The following HDLBP variants were observed in gnomAD, a reference collection of about 807,000 sequenced individuals.
The protein encoded by HDLBP is high density lipoprotein binding protein, also known as vigilin.
A neutral mutation model predicts 137.3 loss-of-function variants in HDLBP; 30 were observed. The observed-to-expected ratio is 0.22, with a 90% CI of 0.16 to 0.30. The LOEUF is 0.30. HDLBP is among the 10% of genes least tolerant of loss of function. HDLBP has a pLI of 1.00. For synonymous variants in HDLBP, 606 were observed against 596.0 expected (o/e 1.02, Z -0.24); for missense variants, 1,119 against 1,667.3 (o/e 0.67, Z 5.73).
At chr2:241,293,890 C>T (rs770810897) in intron 1 of HDLBP, among the ~76,000 whole-genome samples, 1 of 150,702 alleles carries the variant, frequency 6.6e-6, no homozygotes, top group Non-Finnish European at 1.5e-5. Flanking sequence ...CCACTGCAAT[C>T]CAGCCTGGGT....
chr2:241,255,071 T>C lies in HDLBP; in HGVS notation c.1168A>G (p.Ile390Val), dbSNP rs758477634. ...IGKKGQNLAK[I>V]TQQMPKVHIE... is the part of the protein sequence containing the mutation. ...CTTACCTTTGGCATCTGCTGAGTGATTTTGGCCAGGTTCTGCCCTTTCTTG... is the reference window on the plus strand; with the variant it reads ...CTTACCTTTGGCATCTGCTGAGTGACTTTGGCCAGGTTCTGCCCTTTCTTG... The change falls in exon 9 of 28, where the codon ATC (isoleucine) becomes GTC (valine). Residue 390 changes from isoleucine to valine, a missense_variant. Transcript: ENST00000310931. 9.9e-6 allele frequency: 16 copies of C among 1,613,504 alleles called. No homozygotes were observed. Among genetic ancestry groups the C allele is most frequent in the Non-Finnish European group, 1.4e-5 (16 of 1,179,518 alleles).
In HDLBP at chr2:241,239,508, C is replaced by G; in HGVS notation, c.2610+94G>C. 1 of 999,682 alleles carries G rather than the reference C, an allele frequency of 1.0e-6. No individual in the cohort carries two copies. The highest frequency in any genetic ancestry group is 1.4e-5 in the South Asian group (1 of 69,412). The allele number at this position is 999,682 out of a possible 1,614,324, so 61.9% of individuals were successfully genotyped here. On this transcript the variant is annotated intron_variant, in intron 19 of 27. Transcript: ENST00000310931. The surrounding 1 kb of genome is among the most constrained non-coding windows in gnomAD (Gnocchi z 4.6). ...GCCTTCCAGGGCTGTATGAGGGAGTCACCTCCCTACAGGGTGGAGCGAACA... is the reference window on the plus strand; with the variant it reads ...GCCTTCCAGGGCTGTATGAGGGAGTGACCTCCCTACAGGGTGGAGCGAACA...
chr2:241,311,994 T>C (rs1246576732), intron 1 of HDLBP, among the ~76,000 whole-genome samples: 2 of 151,958 alleles, frequency 1.3e-5, no homozygotes, highest in Admixed American at 6.6e-5. Flanking sequence ...CTCTTTAGAG[T>C]TGGAGGCAAA....
At chr2:241,313,931 G>A (rs1193024758) in intron 1 of HDLBP, among the ~76,000 whole-genome samples, 2 of 152,178 alleles carry the variant, frequency 1.3e-5, no homozygotes, top group Non-Finnish European at 2.9e-5. Flanking sequence ...CTCCTGATAA[G>A]ATGAGCTAAG....
chr2:241,267,486 C>T (rs2073766025), intron 2 of HDLBP: 3 of 1,261,764 alleles, frequency 2.4e-6, no homozygotes, highest in Non-Finnish European at 3.3e-6. Flanking sequence ...GAACCTGCCA[C>T]CTGCCTGACC....
intron 5 of HDLBP, among the ~76,000 whole-genome samples, chr2:241,259,325 G>GT (rs1314218791): frequency 2.0e-5 from 3 of 152,208 alleles, no homozygotes; most frequent in African/African-American, 7.2e-5. Context: ...CAGGGTGAAG[G>GT]TAACAGGCAG....
intron 11 of HDLBP, chr2:241,250,680 G>A (rs957051035): frequency 6.6e-6 from 1 of 152,332 alleles, no homozygotes; most frequent in African/African-American, 2.4e-5. Flanking sequence ...GGACCACGAG[G>A]AGGGCTTTTT....
At chr2:241,250,088 T>C in intron 11 of HDLBP, 108 bp from the exon 12 acceptor site, 2 of 1,110,496 alleles carry the variant, frequency 1.8e-6, no homozygotes, top group Non-Finnish European at 2.5e-6. Flanking sequence ...TATCTGTGAT[T>C]CCCATCACCA....
intron 1 of HDLBP, among the ~76,000 whole-genome samples, chr2:241,289,640 G>C (rs1443031443): frequency 2.0e-5 from 3 of 152,106 alleles, no homozygotes; most frequent in African/African-American, 4.8e-5. Context: ...CCTACTATTA[G>C]AAAACAAGTA....
intron 24 of HDLBP, among the ~76,000 whole-genome samples, chr2:241,232,808 A>G (rs975314443): frequency 6.6e-6 from 1 of 152,118 alleles, no homozygotes; most frequent in East Asian, 1.9e-4. Context: ...GACAAAGACT[A>G]TCTCTCTCAA....
Position 241,272,971 on chromosome 2 carries a change from G to A in HDLBP, c.-102-4430C>T. ...CACCCGGGAGGCCCACCCAACTGCA[G>A]GCGTGGTTCTGCATCCTTTTTTCGG... On this transcript the variant is annotated intron_variant, in intron 1 of 27. Coordinates refer to ENST00000310931, the MANE Select transcript of HDLBP (RefSeq NM_005336.6). This position sits in a 1 kb window ranked among gnomAD's most constrained non-coding sequence, Gnocchi z 5.6. 2 of 974,120 alleles carry A rather than the reference G, an allele frequency of 2.1e-6. No homozygotes were observed. The highest frequency in any genetic ancestry group is 4.7e-5 in the South Asian group (1 of 21,322). The allele number at this position is 974,120 out of a possible 1,614,324, so 60.3% of individuals were successfully genotyped here.
rs1453892394 is a variant in HDLBP at position 241,228,663 on chromosome 2, G to A, written c.*938C>T. ...ACGGGTGTGTGGGGTGGCACTAACT[G>A]CACAGAGACCACTCCACGCCGGCTG... is the stretch of plus-strand genomic sequence containing the variant. On this transcript the variant is annotated 3_prime_UTR_variant, in exon 28 of 28. Transcript: ENST00000310931. 6.5e-6 allele frequency: 1 copy of A among 152,694 alleles called. No individual in the cohort carries two copies. Among genetic ancestry groups the A allele is most frequent in the Non-Finnish European group, 1.5e-5 (1 of 68,106 alleles). The allele number at this position is 152,694 out of a possible 1,614,324, so 9.5% of individuals were successfully genotyped here.
intron 7 of HDLBP, 72 bp downstream of exon 7, chr2:241,256,112 A>T: frequency 7.7e-7 from 1 of 1,295,012 alleles, no homozygotes; most frequent in Non-Finnish European, 1.1e-6. Flanking sequence ...ACCAGGCCTT[A>T]ACTGAATCTC....
At chr2:241,256,967 G>A (rs981272530) in intron 5 of HDLBP, among the ~76,000 whole-genome samples, 161 bp from the exon 6 acceptor site, 2 of 152,154 alleles carry the variant, frequency 1.3e-5, no homozygotes, top group African/African-American at 4.8e-5. Context: ...CACATGCTTG[G>A]GGAAGGTTGC....
At chr2:241,280,837 C>T (rs2074568222) in intron 1 of HDLBP, among the ~76,000 whole-genome samples, 1 of 152,152 alleles carries the variant, frequency 6.6e-6, no homozygotes, top group South Asian at 2.1e-4. Flanking sequence ...AAAGAACCTG[C>T]CCTTTAATAG....
In HDLBP at chr2:241,238,694, C is replaced by G; in HGVS notation, c.2704G>C (p.Asp902His). The change falls in exon 20 of 28, where the codon GAT becomes CAT. Residue 902 changes from aspartate (D) to histidine (H), a missense_variant. Physicochemically the swap from Asp to His is moderately conservative, Grantham distance 81 (BLOSUM62 -1). Around this residue, in one of 4 missense-constraint regions of HDLBP, gnomAD observed 618 missense variants for 816.7 expected, o/e 0.76. Coordinates refer to ENST00000310931, the MANE Select transcript of HDLBP (RefSeq NM_005336.6). This position sits in a 1 kb window ranked among gnomAD's most constrained non-coding sequence, Gnocchi z 4.9. Reference sequence around the variant, plus strand: ...GGGAATTTAATTTGAACACTGAAATCCCGAGTAATCTGCTGGATTCTGGAA... The same window carrying G: ...GGGAATTTAATTTGAACACTGAAATGCCGAGTAATCTGCTGGATTCTGGAA... ...KGSRIQQITR[D>H]FSVQIKFPDR... 6.3e-7 allele frequency: 1 copy of G among 1,588,858 alleles called. No individual in the cohort carries two copies. The highest frequency in any genetic ancestry group is 8.6e-7 in the Non-Finnish European group (1 of 1,161,990).
chr2:241,309,291 G>A (rs2075688427), intron 1 of HDLBP, among the ~76,000 whole-genome samples: 2 of 152,146 alleles, frequency 1.3e-5, no homozygotes, highest in Admixed American at 6.5e-5. Context: ...GAAAGTGCAG[G>A]AGAACACACT....
Position 241,235,103 on chromosome 2 carries a change from C to A in HDLBP, c.3144+18G>T, listed in dbSNP as rs763118168. On this transcript the variant is annotated intron_variant, in intron 23 of 27. Transcript: ENST00000310931. ...AGCACCATGGCTCTGGGCAGTGCCC[C>A]GGCCACCTCCTGCTCACCCGGTCCT... is the stretch of plus-strand genomic sequence containing the variant. 6.2e-7 allele frequency: 1 copy of A among 1,610,078 alleles called. No individual in the cohort carries two copies.
chr2:241,232,758 G>A (rs1412092489), intron 24 of HDLBP, among the ~76,000 whole-genome samples: 1 of 152,078 alleles, frequency 6.6e-6, no homozygotes, highest in African/African-American at 2.4e-5. Context: ...AGGTTACAGT[G>A]AGCCGAGATC....
Sources: allele counts gnomAD v4.1 joint callset (sites outside exome capture counted in the v4.1 genomes callset), GRCh38; gene constraint gnomAD v4.1.1; regional missense constraint gnomAD v4.1.1; non-coding constraint Gnocchi (gnomAD v3.1); transcripts MANE v1.5; gene names NCBI Gene and HGNC (gene_info 2026-07-23, HGNC 2026-07-21).